REC114: variants seen among roughly 807,000 people sequenced by gnomAD.
REC114 encodes the protein meiotic recombination protein REC114.
REC114 carries 27 observed loss-of-function variants against 31.3 expected under a neutral mutation model. The ratio of observed to expected loss-of-function variants is 0.86; its 90% CI spans 0.64 to 1.19. The LOEUF (loss-of-function observed/expected upper bound fraction) is 1.19. Among genes scored for constraint, REC114 ranks in the 50% most tolerant of loss-of-function variants. The pLI is 0.00. For missense variants in REC114, 344 were observed against 326.9 expected (o/e 1.05, Z -0.40); for synonymous variants, 134 against 127.7 (o/e 1.05, Z -0.33).
At chr15:73,444,409 T>C (rs1892739198) in intron 1 of REC114, among the ~76,000 whole-genome samples, 1 of 152,242 alleles carries the variant, frequency 6.6e-6, no homozygotes, top group Admixed American at 6.5e-5. Flanking sequence ...TTGCTGTCAT[T>C]TCAGCAATGT....
intron 2 of REC114, among the ~76,000 whole-genome samples, chr15:73,528,185 A>G (rs545391152): frequency 1.9e-4 from 29 of 152,348 alleles, no homozygotes; most frequent in Non-Finnish European, 3.4e-4. Flanking sequence ...TTTACCTAGT[A>G]TAACAAAATA....
At chr15:73,491,763 G>A (rs550989287) in intron 2 of REC114, among the ~76,000 whole-genome samples, 9 of 152,132 alleles carry the variant, frequency 5.9e-5, no homozygotes, top group South Asian at 2.1e-4. Context: ...AGCCAGGCCC[G>A]GTGGCACATG....
chr15:73,545,753 G>T (rs1293962269), intron 3 of REC114, among the ~76,000 whole-genome samples: 2 of 152,054 alleles, frequency 1.3e-5, no homozygotes, highest in African/African-American at 2.4e-5. Flanking sequence ...TCAGGTTTTT[G>T]CCCTGCTTGT....
At chr15:73,487,523 T>C (rs956612273) in intron 2 of REC114, among the ~76,000 whole-genome samples, 6 of 152,378 alleles carry the variant, frequency 3.9e-5, no homozygotes, top group Non-Finnish European at 7.3e-5. Flanking sequence ...TAAAACCTAA[T>C]AAAGCAAACA....
At chr15:73,495,121 TTTCTC>T (rs552636990) in intron 2 of REC114, among the ~76,000 whole-genome samples, 151 of 152,334 alleles carry the variant, frequency 9.9e-4, no homozygotes, top group Admixed American at 2.7e-3. Flanking sequence ...CTCCTCATCT[TTTCTC>T]TTCTCTCTAA....
At chr15:73,452,555 C>T (rs1427628255) in intron 1 of REC114, among the ~76,000 whole-genome samples, 4 of 152,190 alleles carry the variant, frequency 2.6e-5, no homozygotes, top group Non-Finnish European at 5.9e-5. Context: ...AATGGCCATT[C>T]TGCCCCAAGT....
At chr15:73,500,358 A>AAC in intron 2 of REC114, among the ~76,000 whole-genome samples, 1 of 151,876 alleles carries the variant, frequency 6.6e-6, no homozygotes, top group Admixed American at 6.6e-5. Context: ...ATAGCAAAAA[A>AAC]AAAAAAAAAA....
At chr15:73,539,843 C>T (rs1894215446) in intron 2 of REC114, among the ~76,000 whole-genome samples, 1 of 152,160 alleles carries the variant, frequency 6.6e-6, no homozygotes, top group Admixed American at 6.6e-5. Context: ...CTGCCATAAT[C>T]ATCAGATAGT....
intron 4 of REC114, among the ~76,000 whole-genome samples, chr15:73,552,481 C>T (rs1894406662): frequency 6.6e-6 from 1 of 152,080 alleles, no homozygotes; most frequent in Non-Finnish European, 1.5e-5. Flanking sequence ...TTTTAATGAA[C>T]ATTTTTAAAT....
chr15:73,481,842 G>A (rs1161171491), intron 2 of REC114, among the ~76,000 whole-genome samples: 1 of 151,744 alleles, frequency 6.6e-6, no homozygotes, highest in East Asian at 1.9e-4. Flanking sequence ...TGTATTTTTA[G>A]TAGAGATGGG....
chr15:73,491,460 T>C (rs911012962), intron 2 of REC114, among the ~76,000 whole-genome samples: 7 of 152,356 alleles, frequency 4.6e-5, no homozygotes, highest in African/African-American at 1.4e-4. Flanking sequence ...TGAGTAGAGC[T>C]TTTATGAACA....
chr15:73,502,362 C>T (rs764515450), intron 2 of REC114, among the ~76,000 whole-genome samples: 1 of 152,090 alleles, frequency 6.6e-6, no homozygotes, highest in Non-Finnish European at 1.5e-5. Flanking sequence ...CAACCCCTTG[C>T]GCAGCTGAAA....
intron 1 of REC114, among the ~76,000 whole-genome samples, chr15:73,463,689 C>T (rs199713087): frequency 3.9e-5 from 6 of 151,998 alleles, no homozygotes; most frequent in East Asian, 3.9e-4. Context: ...GGTATGGTGG[C>T]GCATGCCTGT....
At chr15:73,468,654 G>C (rs79545688) in intron 1 of REC114, among the ~76,000 whole-genome samples, 166 of 150,664 alleles carry the variant, frequency 1.1e-3, no homozygotes, top group African/African-American at 3.9e-3. Context: ...TAGGGAGAAA[G>C]CTTTCAGTAT....
chr15:73,499,234 G>A (rs546781616), intron 2 of REC114, among the ~76,000 whole-genome samples: 1 of 151,950 alleles, frequency 6.6e-6, no homozygotes, highest in East Asian at 2.0e-4. Flanking sequence ...AGCAGAAAGT[G>A]CAATTACTTT....
At chr15:73,504,089 C>A (rs996472823) in intron 2 of REC114, among the ~76,000 whole-genome samples, 4 of 144,500 alleles carry the variant, frequency 2.8e-5, no homozygotes, top group African/African-American at 1.0e-4. Context: ...TCACTGCAAC[C>A]TCTGCCTCTC....
chr15:73,517,855 G>A (rs895168955), intron 2 of REC114, among the ~76,000 whole-genome samples: 1 of 152,162 alleles, frequency 6.6e-6, no homozygotes, highest in Non-Finnish European at 1.5e-5. Flanking sequence ...ACCATAGCCT[G>A]GGGGAGGGTA....
intron 2 of REC114, among the ~76,000 whole-genome samples, chr15:73,489,335 C>T (rs2141301664): frequency 6.6e-6 from 1 of 151,758 alleles, no homozygotes; most frequent in African/African-American, 2.4e-5. Context: ...TCCTGAGTGG[C>T]TGGGATTATA....
chr15:73,497,551 A>G (rs183782858), intron 2 of REC114, among the ~76,000 whole-genome samples: 62 of 152,298 alleles, frequency 4.1e-4, no homozygotes, highest in African/African-American at 1.2e-3. Flanking sequence ...CCTATGTGCC[A>G]TGAAATTCAC....
Sources: gnomAD v4.1 joint callset for allele counts (sites outside exome capture counted in the v4.1 genomes callset) on GRCh38, gnomAD v4.1.1 for gene constraint, MANE v1.5 for transcripts, NCBI Gene and HGNC (gene_info 2026-07-23, HGNC 2026-07-21) for gene names.